The following FAM53B variants were observed in gnomAD, a reference collection of about 807,000 sequenced individuals.
FAM53B encodes the protein family with sequence similarity 53 member B, also known as protein FAM53B.
FAM53B carries 12 observed loss-of-function variants against 32.7 expected under a neutral mutation model. The ratio of observed to expected loss-of-function variants is 0.37; its 90% CI spans 0.24 to 0.59. The LOEUF (loss-of-function observed/expected upper bound fraction) is 0.59. FAM53B is among the 20% of genes least tolerant of loss of function. FAM53B has a pLI of 0.72. For synonymous variants in FAM53B, 234 were observed against 228.7 expected (o/e 1.02, Z -0.21); for missense variants, 477 against 577.7 (o/e 0.83, Z 1.79).
chr10:124,625,649 G>C (rs1420740814), intron 4 of FAM53B, among the ~76,000 whole-genome samples: 1 of 152,232 alleles, frequency 6.6e-6, no homozygotes, highest in South Asian at 2.1e-4. Context: ...CGCTTGTGAG[G>C]TGGAAGCCCC....
chr10:124,724,342 T>C (rs1950089299), intron 1 of FAM53B, among the ~76,000 whole-genome samples: 1 of 152,126 alleles, frequency 6.6e-6, no homozygotes, highest in Non-Finnish European at 1.5e-5. Flanking sequence ...AGCCTCAGGA[T>C]GCCCAGACAG....
At chr10:124,679,083 C>A (rs1189463640) in intron 4 of FAM53B, among the ~76,000 whole-genome samples, 1 of 152,210 alleles carries the variant, frequency 6.6e-6, no homozygotes, top group Non-Finnish European at 1.5e-5. Flanking sequence ...GCTCTCACCC[C>A]CAAAGGCGAA....
chr10:124,739,035 C>A (rs1419948854), intron 1 of FAM53B, among the ~76,000 whole-genome samples: 1 of 148,832 alleles, frequency 6.7e-6, no homozygotes, highest in Non-Finnish European at 1.5e-5. Context: ...TCCAATCACT[C>A]CAAAAAACAA....
chr10:124,711,129 C>A (rs1229546469), intron 1 of FAM53B, among the ~76,000 whole-genome samples: 1 of 152,134 alleles, frequency 6.6e-6, no homozygotes, highest in African/African-American at 2.4e-5. Flanking sequence ...GAATACTACT[C>A]GGCAATAAGA....
At position 124,706,701 on chromosome 10, in the gene FAM53B, G is replaced by C; in HGVS notation, c.13C>G (p.Leu5Val). The stretch of plus-strand genomic sequence containing the variant: ...CCCCGGGTGCTGAGGCTTTCACTTA[G>C]GACCATCACCATGATAAGGGCCTCA... The part of the protein sequence containing the change: MVMV[L>V]SESLSTRGAD... The change falls in exon 2 of 5, where the codon CTA (leucine) becomes GTA (valine). Residue 5 changes from leucine (L) to valine (V), a missense_variant. Transcript: ENST00000337318. The C allele has an allele frequency of 6.2e-7, 1 of 1,614,132 alleles. No individual in the cohort carries two copies. Among genetic ancestry groups the C allele is most frequent in the Non-Finnish European group, 8.5e-7 (1 of 1,179,992 alleles).
At chr10:124,712,743 GCACCCCA>G (rs1950012878) in intron 1 of FAM53B, among the ~76,000 whole-genome samples, 2 of 152,160 alleles carry the variant, frequency 1.3e-5, no homozygotes, top group African/African-American at 4.8e-5. Flanking sequence ...CCCTTGGCTG[GCACCCCA>G]ACCTGATCAT....
At chr10:124,641,022 G>GT (rs1314587126) in intron 4 of FAM53B, among the ~76,000 whole-genome samples, 1 of 152,204 alleles carries the variant, frequency 6.6e-6, no homozygotes, top group Non-Finnish European at 1.5e-5. Flanking sequence ...GACAAATGAT[G>GT]TGTGTGGGAG....
chr10:124,632,820 C>A (rs1332620218), intron 4 of FAM53B, among the ~76,000 whole-genome samples: 1 of 152,244 alleles, frequency 6.6e-6, no homozygotes, highest in Admixed American at 6.5e-5. Context: ...CGCACCCCAT[C>A]ACTCTGGGCT....
intron 4 of FAM53B, among the ~76,000 whole-genome samples, chr10:124,633,073 T>C (rs531514238): frequency 3.7e-4 from 57 of 152,238 alleles, no homozygotes; most frequent in African/African-American, 1.3e-3. Context: ...CCCACAACTG[T>C]GCCTCTGTCT....
intron 4 of FAM53B, among the ~76,000 whole-genome samples, chr10:124,645,073 T>C (rs976549895): frequency 1.2e-4 from 18 of 152,306 alleles, no homozygotes; most frequent in South Asian, 4.1e-4. Flanking sequence ...AGCAAAGTCA[T>C]GACCAGGTTT....
intron 4 of FAM53B, among the ~76,000 whole-genome samples, chr10:124,636,332 A>G (rs988161274): frequency 2.0e-5 from 3 of 152,032 alleles, no homozygotes; most frequent in African/African-American, 4.8e-5. Context: ...TGGACAAAAA[A>G]CCTCTACCAG....
chr10:124,735,315 C>T (rs1290544843), intron 1 of FAM53B, among the ~76,000 whole-genome samples: 1 of 152,148 alleles, frequency 6.6e-6, no homozygotes, highest in Non-Finnish European at 1.5e-5. Flanking sequence ...CATCATGACC[C>T]ATACATGCAT....
At chr10:124,727,742 T>C (rs547114971) in intron 1 of FAM53B, among the ~76,000 whole-genome samples, 11 of 152,076 alleles carry the variant, frequency 7.2e-5, no homozygotes, top group East Asian at 1.9e-4. Flanking sequence ...GCATGCTGCA[T>C]AGGAACCGAG....
At chr10:124,716,278 G>A (rs894648044) in intron 1 of FAM53B, among the ~76,000 whole-genome samples, 7 of 152,336 alleles carry the variant, frequency 4.6e-5, no homozygotes, top group African/African-American at 1.7e-4. Flanking sequence ...ACACTACACA[G>A]CTTGAAAGAG....
At chr10:124,670,574 C>A (rs539471822) in intron 4 of FAM53B, among the ~76,000 whole-genome samples, 12 of 152,212 alleles carry the variant, frequency 7.9e-5, no homozygotes, top group African/African-American at 2.4e-4. Context: ...CCCACTCCGA[C>A]CCCAGTCACC....
At chr10:124,661,983 G>C (rs1033491491) in intron 4 of FAM53B, among the ~76,000 whole-genome samples, 3 of 152,166 alleles carry the variant, frequency 2.0e-5, no homozygotes, top group Admixed American at 2.0e-4. Flanking sequence ...CCTCACACCA[G>C]GGATCCTCAT....
In FAM53B at chr10:124,706,797, G is replaced by A. The variant is rs1442038585; in HGVS notation, c.-84C>T. The A allele has an allele frequency of 2.5e-6, 4 of 1,600,910 alleles. No individual in the cohort carries two copies. The highest frequency in any genetic ancestry group is 1.1e-5 in the South Asian group (1 of 90,576). On this transcript the variant is annotated 5_prime_UTR_variant, in exon 2 of 5. Transcript: ENST00000337318. The stretch of plus-strand genomic sequence containing the variant: ...GGCAGACTTGGGGTGAGTACCTCCT[G>A]GGGAATTGATGTCAGCAGAAACAGC...
intron 4 of FAM53B, among the ~76,000 whole-genome samples, chr10:124,636,246 T>C (rs1436831999): frequency 6.6e-6 from 1 of 152,226 alleles, no homozygotes; most frequent in Non-Finnish European, 1.5e-5. Context: ...ACCAAAGTTC[T>C]TTTCTTTCCT....
chr10:124,627,368 G>A (rs1762754366), intron 4 of FAM53B, among the ~76,000 whole-genome samples: 1 of 152,272 alleles, frequency 6.6e-6, no homozygotes, highest in Non-Finnish European at 1.5e-5. Context: ...GCACAGGCAA[G>A]TTGGAAGCCT....
Sources: gnomAD v4.1 joint callset for allele counts (sites outside exome capture counted in the v4.1 genomes callset) on GRCh38, gnomAD v4.1.1 for gene constraint, MANE v1.5 for transcripts, NCBI Gene and HGNC (gene_info 2026-07-23, HGNC 2026-07-21) for gene names.